VSTM1: variants seen among roughly 807,000 people sequenced by gnomAD.
VSTM1 encodes V-set and transmembrane domain containing 1, also known as V-set and transmembrane domain-containing protein 1.
VSTM1 carries 27 observed loss-of-function variants against 33.1 expected under a neutral mutation model. The ratio of observed to expected loss-of-function variants is 0.82; its 90% CI spans 0.60 to 1.12. The LOEUF is 1.12. Ranked by LOEUF, VSTM1 falls within the 50% of genes most tolerant of loss-of-function variation. The pLI is 0.00. For synonymous variants in VSTM1, 115 were observed against 110.3 expected, an observed-to-expected ratio of 1.04 and a Z score of -0.27; for missense variants, 304 against 288.9, an observed-to-expected ratio of 1.05 and a Z score of -0.38.
intron 4 of VSTM1, among the ~76,000 whole-genome samples, chr19:54,043,355 G>A (rs1024408756): frequency 4.0e-5 from 6 of 151,636 alleles, no homozygotes; most frequent in South Asian, 2.1e-4. Context: ...CCACAATCAC[G>A]TGAACCAATC....
Position 54,052,624 on chromosome 19 carries a change from G to A in VSTM1, c.356-1176C>T. On this transcript the variant is annotated intron_variant, in intron 3 of 8. Coordinates refer to ENST00000338372, the MANE Select transcript of VSTM1 (RefSeq NM_198481.4). ...CCAGTTCTAAGATGAAGAAGTTCAGGTGCTCAGCATGGTGGCAATGGATGT... is the reference window on the plus strand; with the variant it reads ...CCAGTTCTAAGATGAAGAAGTTCAGATGCTCAGCATGGTGGCAATGGATGT... Among the ~76,000 whole-genome samples, 2 of 141,332 alleles carry A rather than the reference G, an allele frequency of 1.4e-5. 1 individual carries two copies. The highest frequency in any genetic ancestry group is 3.1e-5 in the Non-Finnish European group (2 of 64,294). 92.7% of individuals were successfully genotyped at this position (141,332 alleles called of 152,430 possible).
At chr19:54,060,753 C>T (rs113001471) in intron 1 of VSTM1, among the ~76,000 whole-genome samples, 10,746 of 152,140 alleles carry the variant, frequency 0.071, 424 homozygotes, top group Admixed American at 0.11. Flanking sequence ...TGCCAGGGTG[C>T]AGTCACAGCT....
At chr19:54,051,553 G>T in intron 3 of VSTM1, 105 bp from the exon 4 acceptor site, 2 of 869,430 alleles carry the variant, frequency 2.3e-6, no homozygotes, top group Non-Finnish European at 3.5e-6. Flanking sequence ...TCTTTGGGAA[G>T]CAGAAAAGAG....
chr19:54,058,842 T>TAA (rs1555764964), intron 1 of VSTM1, 110 bp from the exon 2 acceptor site: 21 of 496,324 alleles, frequency 4.2e-5, no homozygotes, highest in South Asian at 9.3e-5. Context: ...TATATATATA[T>TAA]AATGTATATA....
At chr19:54,061,560 CAT>C (rs1301157543) in intron 1 of VSTM1, among the ~76,000 whole-genome samples, 3 of 152,108 alleles carry the variant, frequency 2.0e-5, no homozygotes, top group Non-Finnish European at 4.4e-5. Context: ...AGGCTGCAAT[CAT>C]AGTGCTTTGG....
chr19:54,056,848 T>C (rs2071120942), intron 3 of VSTM1, among the ~76,000 whole-genome samples: 1 of 125,326 alleles, frequency 8.0e-6, no homozygotes, highest in Non-Finnish European at 1.8e-5. Flanking sequence ...GTTGCATCTA[T>C]CCTTCTTCTT....
intron 4 of VSTM1, among the ~76,000 whole-genome samples, 194 bp downstream of exon 4, chr19:54,051,216 C>T (rs558690034): frequency 6.6e-6 from 1 of 152,234 alleles, no homozygotes; most frequent in Non-Finnish European, 1.5e-5. Flanking sequence ...TGCTTGAATC[C>T]GGGAGGCGAA....
In VSTM1 at chr19:54,051,306, C is replaced by G. The variant is rs543332280; in HGVS notation, c.394+104G>C. ...GACTCTATCTCAAAAAACAAACAAACAAACAAACAAACAAATAAATAAAGT... is the reference window on the plus strand; with the variant it reads ...GACTCTATCTCAAAAAACAAACAAAGAAACAAACAAACAAATAAATAAAGT... On this transcript the variant is annotated intron_variant, in intron 4 of 8. Coordinates refer to ENST00000338372, the MANE Select transcript of VSTM1 (RefSeq NM_198481.4). 1.7e-5 allele frequency: 18 copies of G among 1,073,886 alleles called. No homozygotes were observed. The African/African-American group carries it at 2.3e-4, about 14-fold the overall frequency. 66.5% of individuals were successfully genotyped at this position (1,073,886 alleles called of 1,614,324 possible). A position where few individuals can be genotyped will look rare whatever the true frequency, so the allele number is the denominator to read the frequency against.
At chr19:54,063,270 G>A (rs1371640419) in intron 1 of VSTM1, among the ~76,000 whole-genome samples, 4 of 152,104 alleles carry the variant, frequency 2.6e-5, no homozygotes, top group Non-Finnish European at 4.4e-5. Flanking sequence ...CCTGGGAGAC[G>A]GAGGTTGCAG....
In VSTM1 at chr19:54,063,839, G is replaced by C; in HGVS notation, c.-62C>G. 1 of 1,589,012 alleles carries C rather than the reference G, an allele frequency of 6.3e-7. No individual in the cohort carries two copies. Among genetic ancestry groups the C allele is most frequent in the Non-Finnish European group, 8.6e-7 (1 of 1,165,060 alleles). On this transcript the variant is annotated 5_prime_UTR_variant, in exon 1 of 9. Coordinates refer to ENST00000338372, the MANE Select transcript of VSTM1 (RefSeq NM_198481.4). ...GTTTTACCCTTCAAAGGCGGAGCGG[G>C]ACTGGGCCGGCCGCAGCTCTCCGGC... is the stretch of plus-strand genomic sequence containing the variant.
At chr19:54,058,239 TAAA>T in intron 3 of VSTM1, 64 bp downstream of exon 3, 4 of 1,277,780 alleles carry the variant, frequency 3.1e-6, no homozygotes, top group Non-Finnish European at 3.2e-6. Context: ...GACTCTGTCT[TAAA>T]AAAAAAAAAG....
chr19:54,050,147 C>T (rs759630240), intron 4 of VSTM1, among the ~76,000 whole-genome samples: 3 of 151,630 alleles, frequency 2.0e-5, no homozygotes, highest in African/African-American at 4.8e-5. Flanking sequence ...TACAGGCGCC[C>T]ACCACAATGC....
At position 54,040,954 on chromosome 19, in the gene VSTM1, C is replaced by G. The variant is rs752182943; in HGVS notation, c.*7G>C. The G allele has an allele frequency of 6.2e-7, 1 of 1,606,386 alleles. No individual in the cohort carries two copies. Among genetic ancestry groups the G allele is most frequent in the Admixed American group, 1.7e-5 (1 of 58,992 alleles). On this transcript the variant is annotated 3_prime_UTR_variant, in exon 9 of 9. Transcript: ENST00000338372. ...CCCCTCCTTTAGTGGCCAGGGCTGT[C>G]TTCTTGCTACACTTTCAGTGCCGCA...
At chr19:54,058,230 ACT>A (rs1568477293) in intron 3 of VSTM1, 74 bp downstream of exon 3, 10 of 1,338,234 alleles carry the variant, frequency 7.5e-6, no homozygotes, top group Non-Finnish European at 1.0e-5. Context: ...ACACAGCAAG[ACT>A]CTGTCTTAAA....
At chr19:54,048,547 G>A in intron 4 of VSTM1, 1 of 181,486 alleles carries the variant, frequency 5.5e-6, no homozygotes, top group Non-Finnish European at 1.2e-5. Flanking sequence ...ACAAGGATGT[G>A]GAGATATTGG....
At chr19:54,059,660 G>A (rs1227044917) in intron 1 of VSTM1, among the ~76,000 whole-genome samples, 2 of 150,922 alleles carry the variant, frequency 1.3e-5, no homozygotes, top group African/African-American at 2.4e-5. Context: ...TTGTTGTAGA[G>A]ATGGGGTTTC....
chr19:54,056,671 C>T (rs185139820), intron 3 of VSTM1, among the ~76,000 whole-genome samples: 1 of 140,290 alleles, frequency 7.1e-6, no homozygotes, highest in Non-Finnish European at 1.6e-5. Context: ...AACAGACCAT[C>T]TTTTCCATGG....
At chr19:54,041,230 T>C in intron 8 of VSTM1, 150 bp from the exon 9 acceptor site, 1 of 778,408 alleles carries the variant, frequency 1.3e-6, no homozygotes, top group Admixed American at 3.9e-5. Flanking sequence ...TTTTCTTTTC[T>C]GTTTTTATAA....
intron 4 of VSTM1, among the ~76,000 whole-genome samples, chr19:54,042,820 A>ATG (rs762634246): frequency 0.022 from 1,723 of 79,894 alleles, 25 homozygotes; most frequent in Non-Finnish European, 0.03. Context: ...ATATATATAT[A>ATG]TATATATATA....
Sources: allele counts gnomAD v4.1 joint callset (sites outside exome capture counted in the v4.1 genomes callset), GRCh38; gene constraint gnomAD v4.1.1; transcripts MANE v1.5; gene names NCBI Gene and HGNC (gene_info 2026-07-23, HGNC 2026-07-21).